Variants in JAK1 observed in about 807,000 individuals in gnomAD.
JAK1 encodes tyrosine-protein kinase JAK1.
A neutral mutation model predicts 136.6 loss-of-function variants in JAK1; 16 were observed. That is an observed-to-expected ratio of 0.12 (90% confidence interval 0.08 to 0.18). The LOEUF is 0.18. JAK1 is among the 10% of genes least tolerant of loss of function. JAK1 has a pLI of 1.00. For missense variants in JAK1, 859 were observed against 1,450.1 expected (o/e 0.59, Z 6.62); for synonymous variants, 492 against 519.5 (o/e 0.95, Z 0.72).
At chr1:64,985,225 A>G in intron 2 of JAK1, 1 of 1,594,924 alleles carries the variant, frequency 6.3e-7, no homozygotes, top group Non-Finnish European at 8.6e-7. Context: ...CCTGTTGAGT[A>G]ATAGAACACA....
chr1:65,005,073 C>T (rs530584425), intron 2 of JAK1, among the ~76,000 whole-genome samples: 23 of 152,124 alleles, frequency 1.5e-4, no homozygotes, highest in Non-Finnish European at 3.2e-4. Context: ...TGTCATTATA[C>T]CAGGCTACTG....
intron 2 of JAK1, among the ~76,000 whole-genome samples, chr1:65,016,669 C>T (rs1187311079): frequency 6.6e-6 from 1 of 151,772 alleles, no homozygotes; most frequent in Non-Finnish European, 1.5e-5. Context: ...GAGGCTGAGG[C>T]GGGTGGATCA....
intron 2 of JAK1, among the ~76,000 whole-genome samples, chr1:65,036,134 C>T (rs764865883): frequency 1.4e-4 from 22 of 151,948 alleles, no homozygotes; most frequent in Admixed American, 1.3e-4. Flanking sequence ...GTGTGATGGT[C>T]GCACAACAAC....
rs929273412 is a variant in JAK1 at position 64,844,074 on chromosome 1, G to A, written c.2393C>T (p.Thr798Met). The change falls in exon 17 of 25, where the codon ACG becomes ATG. Residue 798 changes from threonine (T) to methionine (M), a missense_variant. Thr to Met is a moderately conservative substitution (Grantham distance 81, BLOSUM62 -1). Around this residue, in one of 4 missense-constraint regions of JAK1, gnomAD observed 409 missense variants for 753.8 expected, o/e 0.54. Transcript: ENST00000342505. This position sits in a 1 kb window ranked among gnomAD's most constrained non-coding sequence, Gnocchi z 5.7. The part of the protein sequence containing the change: ...YNGEIPLKDK[T>M]LIEKERFYES... ...GAAACACCTGCTCACCTCAATCAGC[G>A]TCTTGTCTTTCAAGGGGATCTCGCC... is the stretch of plus-strand genomic sequence containing the variant. The A allele has an allele frequency of 1.2e-6, 2 of 1,614,082 alleles. No individual in the cohort carries two copies. The highest frequency in any genetic ancestry group is 1.7e-6 in the Non-Finnish European group (2 of 1,180,028).
At chr1:65,055,561 T>C (rs74860851) in intron 1 of JAK1, among the ~76,000 whole-genome samples, 7,787 of 152,302 alleles carry the variant, frequency 0.051, 323 homozygotes, top group Admixed American at 0.15. Context: ...TTAATTGCAA[T>C]CTTACCATCT....
intron 5 of JAK1, among the ~76,000 whole-genome samples, chr1:64,870,797 A>C (rs918584437): frequency 1.3e-5 from 2 of 152,164 alleles, no homozygotes; most frequent in African/African-American, 4.8e-5. Flanking sequence ...ACCATGGGAT[A>C]TCTTGTTTCT....
chr1:64,913,684 GAA>G (rs1250597752), intron 1 of JAK1, among the ~76,000 whole-genome samples: 9 of 23,886 alleles, frequency 3.8e-4, no homozygotes, highest in African/African-American at 9.9e-4. Context: ...AGGAAGGAAG[GAA>G]GGAAGGAAGG....
At chr1:64,869,798 G>C (rs960858837) in intron 5 of JAK1, among the ~76,000 whole-genome samples, 1 of 152,172 alleles carries the variant, frequency 6.6e-6, no homozygotes, top group Admixed American at 6.5e-5. Flanking sequence ...CCAGAGCAAG[G>C]GAAGGTGACA....
At chr1:64,916,247 TAAAA>T (rs1645393794) in intron 1 of JAK1, among the ~76,000 whole-genome samples, 1 of 152,196 alleles carries the variant, frequency 6.6e-6, no homozygotes, top group Admixed American at 6.5e-5. Flanking sequence ...TTCAGAAAGA[TAAAA>T]GAATACCTTT....
chr1:64,940,165 A>C (rs1645862664), intron 1 of JAK1, among the ~76,000 whole-genome samples: 1 of 152,194 alleles, frequency 6.6e-6, no homozygotes, highest in South Asian at 2.1e-4. Flanking sequence ...AAACAATAGA[A>C]GGCACAACAG....
intron 1 of JAK1, among the ~76,000 whole-genome samples, chr1:64,954,716 G>A (rs1371296604): frequency 6.6e-6 from 1 of 152,128 alleles, no homozygotes; most frequent in Non-Finnish European, 1.5e-5. Context: ...ATATACAACA[G>A]AACCATCAAT....
At chr1:65,065,072 G>C (rs1447527699) in intron 1 of JAK1, among the ~76,000 whole-genome samples, 1 of 152,122 alleles carries the variant, frequency 6.6e-6, no homozygotes, top group African/African-American at 2.4e-5. Context: ...AGTTCATTGT[G>C]TTCCTCCTGC....
rs960428932 is a variant in JAK1 at position 64,840,186 on chromosome 1, G to A, written c.2650-391C>T. Among the ~76,000 whole-genome samples, 4 of 152,194 alleles carry A rather than the reference G, an allele frequency of 2.6e-5. No homozygotes were observed. The East Asian group carries it at 7.7e-4, about 29-fold the overall frequency. On this transcript the variant is annotated intron_variant, in intron 19 of 24. Coordinates refer to ENST00000342505, the MANE Select transcript of JAK1 (RefSeq NM_002227.4). ...AGAGCAAATGCATGAGGAGTCTTTA[G>A]AAGACGTGAGATCAGGTTCCAGCCA...
At chr1:64,915,590 C>T (rs1456033351) in intron 1 of JAK1, among the ~76,000 whole-genome samples, 1 of 152,158 alleles carries the variant, frequency 6.6e-6, no homozygotes, top group African/African-American at 2.4e-5. Context: ...ATAATGGAAA[C>T]GTTTTGTATC....
intron 15 of JAK1, 135 bp from the exon 16 acceptor site, chr1:64,845,024 C>G: frequency 1.7e-6 from 2 of 1,208,534 alleles, no homozygotes; most frequent in African/African-American, 1.5e-5. Flanking sequence ...TGCCAATCAT[C>G]TGTGTGACTT....
intron 2 of JAK1, among the ~76,000 whole-genome samples, chr1:65,011,426 G>T (rs542002002): frequency 6.6e-6 from 1 of 151,940 alleles, no homozygotes; most frequent in Non-Finnish European, 1.5e-5. Context: ...TAGCAGCCTG[G>T]GTGGCAGAGC....
chr1:65,058,911 C>T (rs1384811996), intron 1 of JAK1, among the ~76,000 whole-genome samples: 1 of 152,108 alleles, frequency 6.6e-6, no homozygotes, highest in Non-Finnish European at 1.5e-5. Context: ...TTCTAAAGCC[C>T]TCTTCTAGAT....
At chr1:64,897,743 G>A (rs1970140) in intron 1 of JAK1, among the ~76,000 whole-genome samples, 144,914 of 151,904 alleles carry the variant, frequency 0.95, 69,506 homozygotes, top group East Asian at 1. Flanking sequence ...GGAGAATGCA[G>A]ATCCCCAGAT....
At chr1:65,006,341 A>G (rs535742375) in intron 2 of JAK1, among the ~76,000 whole-genome samples, 2 of 152,156 alleles carry the variant, frequency 1.3e-5, no homozygotes, top group East Asian at 3.9e-4. Context: ...CTTTAATTAA[A>G]ACGGCTTCTA....
Sources: allele counts gnomAD v4.1 joint callset (sites outside exome capture counted in the v4.1 genomes callset), GRCh38; gene constraint gnomAD v4.1.1; regional missense constraint gnomAD v4.1.1; non-coding constraint Gnocchi (gnomAD v3.1); transcripts MANE v1.5; gene names NCBI Gene and HGNC (gene_info 2026-07-23, HGNC 2026-07-21).